The following CHODL variants were observed in gnomAD, a reference collection of about 807,000 sequenced individuals.
CHODL encodes the protein chondrolectin.
CHODL carries 29 observed loss-of-function variants against 34.5 expected under a neutral mutation model. The ratio of observed to expected loss-of-function variants is 0.84; its 90% CI spans 0.63 to 1.15. CHODL has a LOEUF of 1.15. Ranked by LOEUF, CHODL falls within the 50% of genes most tolerant of loss-of-function variation. The probability of loss-of-function intolerance (pLI) is 0.00; values close to 1 mark genes in which losing one functional copy is unlikely to be tolerated. For synonymous variants in CHODL, 125 were observed against 116.1 expected, an observed-to-expected ratio of 1.08 and a Z score of -0.49; for missense variants, 332 against 332.5, an observed-to-expected ratio of 1.00 and a Z score of 0.01.
At chr21:17,980,788 G>A (rs1234753101) in intron 1 of CHODL, among the ~76,000 whole-genome samples, 1 of 152,184 alleles carries the variant, frequency 6.6e-6, no homozygotes, top group African/African-American at 2.4e-5. Flanking sequence ...TGCACCGTGT[G>A]TGCATGTGAT....
intron 1 of CHODL, among the ~76,000 whole-genome samples, chr21:17,936,107 A>G (rs1429333582): frequency 6.6e-6 from 1 of 152,222 alleles, no homozygotes; most frequent in Non-Finnish European, 1.5e-5. Flanking sequence ...TCTTATTGTT[A>G]GCCAGGAAGA....
intron 2 of CHODL, among the ~76,000 whole-genome samples, chr21:18,048,877 C>A (rs901236883): frequency 6.6e-6 from 1 of 151,846 alleles, no homozygotes; most frequent in East Asian, 1.9e-4. Context: ...TTAGACCTAT[C>A]GAATATTATT....
At chr21:18,209,237 A>C (rs1282318806) in intron 2 of CHODL, among the ~76,000 whole-genome samples, 1 of 152,156 alleles carries the variant, frequency 6.6e-6, no homozygotes, top group Non-Finnish European at 1.5e-5. Flanking sequence ...AAGCCACAAG[A>C]CAAAAAGTTC....
chr21:18,027,983 A>AT (rs1054999287), intron 2 of CHODL: 1 of 152,474 alleles, frequency 6.6e-6, no homozygotes, highest in African/African-American at 2.4e-5. Context: ...TAAGAAATAA[A>AT]TTTCTATTGT....
intron 2 of CHODL, among the ~76,000 whole-genome samples, chr21:18,149,199 T>C (rs933011848): frequency 2.6e-5 from 4 of 152,230 alleles, no homozygotes; most frequent in Admixed American, 1.3e-4. Context: ...ATCACTCTCT[T>C]GCCTTCTTTT....
chr21:17,938,741 G>A (rs1362062518), intron 1 of CHODL, among the ~76,000 whole-genome samples: 2 of 152,018 alleles, frequency 1.3e-5, no homozygotes, highest in Non-Finnish European at 2.9e-5. Flanking sequence ...GCCTCCCAAA[G>A]TGCTGGGATT....
At chr21:17,969,174 T>C (rs1040079541) in intron 1 of CHODL, among the ~76,000 whole-genome samples, 1 of 152,232 alleles carries the variant, frequency 6.6e-6, no homozygotes, top group African/African-American at 2.4e-5. Flanking sequence ...ATTCACTTTA[T>C]ATTAAATATT....
chr21:18,111,532 T>C (rs2065350865), intron 2 of CHODL, among the ~76,000 whole-genome samples: 1 of 152,184 alleles, frequency 6.6e-6, no homozygotes, highest in Non-Finnish European at 1.5e-5. Context: ...AATTATTGCA[T>C]CAGTTTTCTT....
chr21:18,231,480 C>CA, intron 2 of CHODL, among the ~76,000 whole-genome samples: 1 of 152,148 alleles, frequency 6.6e-6, no homozygotes, highest in Admixed American at 6.6e-5. Flanking sequence ...GAAGCCTTTC[C>CA]AAAAATGGGG....
In CHODL at chr21:17,930,071, T is replaced by C. The variant is rs190583613; in HGVS notation, c.-145+12671T>C. 7.6e-3 allele frequency among the ~76,000 whole-genome samples: 1,155 copies of C among 152,134 alleles called. 20 individuals carry two copies. The highest frequency in any genetic ancestry group is 0.026 in the African/African-American group (1,076 of 41,478). On this transcript the variant is annotated intron_variant, in intron 1 of 6. Coordinates refer to the CHODL transcript ENST00000400127. ...GGCCTGCAGTCTGCCCTGGGGATCC[T>C]GCTGCTGTTGCTGCAACTGCCACCA...
intron 2 of CHODL, among the ~76,000 whole-genome samples, chr21:18,151,262 T>TTAGA (rs997346983): frequency 5.3e-5 from 8 of 152,128 alleles, no homozygotes; most frequent in African/African-American, 1.7e-4. Flanking sequence ...TAGCCTAGTA[T>TTAGA]TAGATCATAC....
chr21:18,221,556 A>G (rs930781898), intron 2 of CHODL, among the ~76,000 whole-genome samples: 30 of 152,158 alleles, frequency 2.0e-4, no homozygotes, highest in Admixed American at 1.1e-3. Flanking sequence ...CTCTCTTTCA[A>G]TCATCTCAAT....
chr21:17,934,234 T>TAA (rs58780393), intron 1 of CHODL, among the ~76,000 whole-genome samples: 7,616 of 140,338 alleles, frequency 0.054, 522 homozygotes, highest in African/African-American at 0.17. Flanking sequence ...TCTATAAAAA[T>TAA]AAAAAAAAAA....
At chr21:17,955,787 G>A (rs1208476859) in intron 1 of CHODL, among the ~76,000 whole-genome samples, 1 of 136,804 alleles carries the variant, frequency 7.3e-6, no homozygotes, top group Non-Finnish European at 1.7e-5. Flanking sequence ...AAGCAAGTCA[G>A]GGGATTTGGG....
intron 1 of CHODL, among the ~76,000 whole-genome samples, chr21:18,007,052 A>T (rs1031804463): frequency 1.3e-5 from 2 of 152,236 alleles, no homozygotes; most frequent in African/African-American, 4.8e-5. Context: ...GAGATTGAAA[A>T]ATCAAAACAT....
At chr21:18,246,445 T>A (rs2074142678) in intron 1 of CHODL, among the ~76,000 whole-genome samples, 1 of 152,196 alleles carries the variant, frequency 6.6e-6, no homozygotes, top group Non-Finnish European at 1.5e-5. Context: ...TTGTCACTGA[T>A]CTTCCCCTTA....
intron 2 of CHODL, among the ~76,000 whole-genome samples, chr21:18,082,184 T>C (rs1600978278): frequency 6.6e-6 from 1 of 152,144 alleles, no homozygotes; most frequent in African/African-American, 2.4e-5. Flanking sequence ...TCAAAGTGTG[T>C]GGCACTTCCC....
intron 2 of CHODL, among the ~76,000 whole-genome samples, chr21:18,131,829 C>CT (rs2146595436): frequency 6.6e-6 from 1 of 152,102 alleles, no homozygotes; most frequent in South Asian, 2.1e-4. Flanking sequence ...TCCTGCTCTT[C>CT]TTTTTTTAAA....
intron 2 of CHODL, among the ~76,000 whole-genome samples, chr21:18,114,372 T>G (rs1453756077): frequency 6.6e-6 from 1 of 152,198 alleles, no homozygotes; most frequent in Non-Finnish European, 1.5e-5. Flanking sequence ...ATATTGCATA[T>G]CTGTATCAAA....
Sources: gnomAD v4.1 joint callset for allele counts (sites outside exome capture counted in the v4.1 genomes callset) on GRCh38, gnomAD v4.1.1 for gene constraint, MANE v1.5 for transcripts, NCBI Gene and HGNC (gene_info 2026-07-23, HGNC 2026-07-21) for gene names.